Variants in OPRM1 observed in about 807,000 individuals in gnomAD.
The protein encoded by OPRM1 is mu-type opioid receptor.
A neutral mutation model predicts 31.8 loss-of-function variants in OPRM1; 27 were observed. The ratio of observed to expected loss-of-function variants is 0.85; its 90% CI spans 0.63 to 1.17. The LOEUF is 1.17. Ranked by LOEUF, OPRM1 falls within the 50% of genes most tolerant of loss-of-function variation. The probability of loss-of-function intolerance (pLI) is 0.00; values close to 1 mark genes in which losing one functional copy is unlikely to be tolerated. For synonymous variants in OPRM1, 196 were observed against 189.9 expected (o/e 1.03, Z -0.26); for missense variants, 536 against 511.1 (o/e 1.05, Z -0.47).
chr6:154,214,251 C>T lies in OPRM1; in HGVS notation c.1165-32442C>T, dbSNP rs145769684. On this transcript the variant is annotated intron_variant, in intron 3 of 3. Transcript: ENST00000337049. ...TTTGTAGTGGATTCCTGATGGATTACAGCCGATCCAAGTTTATTTAACCAC... is the reference window on the plus strand; with the variant it reads ...TTTGTAGTGGATTCCTGATGGATTATAGCCGATCCAAGTTTATTTAACCAC... 1.1e-5 allele frequency: 18 copies of T among 1,611,418 alleles called. No homozygotes were observed. In the African/African-American group the frequency reaches 2.4e-4, roughly 21 times the overall value.
rs112100506 is a variant in OPRM1, at chr6:154,229,946, G to C, written c.1165-16747G>C. ...ATGAACCCTGAAAACATTCTGCTAA[G>C]TGAAAGTGAAACACAAGCGATCAGT... On this transcript the variant is annotated intron_variant, in intron 3 of 3. Coordinates refer to the OPRM1 transcript ENST00000337049. 2.5e-3 allele frequency among the ~76,000 whole-genome samples: 382 copies of C among 152,304 alleles called. 2 individuals carry two copies. The highest frequency in any genetic ancestry group is 8.9e-3 in the African/African-American group (371 of 41,572).
intron 3 of OPRM1, among the ~76,000 whole-genome samples, chr6:154,162,410 A>G (rs951998286): frequency 6.6e-6 from 1 of 152,140 alleles, no homozygotes. Context: ...ATTCACCAAA[A>G]CTGCTCTTGT....
intron 3 of OPRM1, among the ~76,000 whole-genome samples, chr6:154,116,550 A>G (rs1444925995): frequency 3.3e-5 from 5 of 150,344 alleles, no homozygotes; most frequent in Non-Finnish European, 5.9e-5. Context: ...ATGCCACTGC[A>G]CTCTAGCCTG....
At chr6:154,142,719 G>T (rs1156500196) in intron 3 of OPRM1, among the ~76,000 whole-genome samples, 1 of 152,094 alleles carries the variant, frequency 6.6e-6, no homozygotes, top group Non-Finnish European at 1.5e-5. Flanking sequence ...TCTGAAACTT[G>T]CCTCAGTCTC....
intron 3 of OPRM1, among the ~76,000 whole-genome samples, chr6:154,188,110 A>T (rs960482124): frequency 3.3e-4 from 50 of 152,204 alleles, no homozygotes; most frequent in Non-Finnish European, 6.2e-4. Flanking sequence ...TCATATACAT[A>T]AAAAAATTTA....
At chr6:154,150,744 T>A (rs758413316) in intron 3 of OPRM1, among the ~76,000 whole-genome samples, 9 of 152,266 alleles carry the variant, frequency 5.9e-5, no homozygotes, top group African/African-American at 1.9e-4. Context: ...GACTTTGACA[T>A]TGAAGACTGG....
At chr6:154,107,858 A>C in intron 3 of OPRM1, 1 of 699,748 alleles carries the variant, frequency 1.4e-6, no homozygotes, top group Non-Finnish European at 2.6e-6. Context: ...AACACAGAAA[A>C]ACGACCTCAT....
rs1031135403 is a variant in OPRM1, at chr6:154,120,688, A to G, written c.*1967A>G. 6.6e-6 allele frequency among the ~76,000 whole-genome samples: 1 copy of G among 152,186 alleles called. No homozygotes were observed. The highest frequency in any genetic ancestry group is 1.5e-5 in the Non-Finnish European group (1 of 68,024). On this transcript the variant is annotated 3_prime_UTR_variant, in exon 4 of 4. Coordinates refer to ENST00000330432, the MANE Select transcript of OPRM1 (RefSeq NM_000914.5). ...CTGAGGAGGAAAATCCATGCTTTTC[A>G]TGGGCTAGGATGGTTTCTCCCAAGA...
intron 3 of OPRM1, among the ~76,000 whole-genome samples, chr6:154,171,792 G>A (rs1799892799): frequency 6.6e-6 from 1 of 152,176 alleles, no homozygotes; most frequent in Non-Finnish European, 1.5e-5. Context: ...CTGAAGGGGG[G>A]CATTAGGATT....
intron 3 of OPRM1, among the ~76,000 whole-genome samples, chr6:154,190,644 A>C (rs1801790786): frequency 6.6e-6 from 1 of 152,158 alleles, no homozygotes; most frequent in Non-Finnish European, 1.5e-5. Flanking sequence ...CAATCCAGCA[A>C]TTGTACTCAT....
chr6:154,010,666 A>G (rs1226123125), exon 1 of OPRM1: 19 of 1,474,098 alleles, frequency 1.3e-5, no homozygotes, highest in Non-Finnish European at 1.6e-5. Context: ...GGAAGATAGG[A>G]AAGCAAGCAT....
chr6:154,024,815 A>G (rs1778595543), intron 1 of OPRM1, among the ~76,000 whole-genome samples: 1 of 151,862 alleles, frequency 6.6e-6, no homozygotes, highest in Admixed American at 6.6e-5. Context: ...TCATTCAGGA[A>G]TATATTGTTT....
chr6:154,050,332 T>G (rs12374622), intron 1 of OPRM1, among the ~76,000 whole-genome samples: 4,758 of 152,216 alleles, frequency 0.031, 117 homozygotes, highest in East Asian at 0.093. Flanking sequence ...CAGCTAAGAT[T>G]TGGAAGCAAC....
chr6:154,112,046 G>T (rs541502360), intron 3 of OPRM1, among the ~76,000 whole-genome samples: 1 of 152,234 alleles, frequency 6.6e-6, no homozygotes, highest in South Asian at 2.1e-4. Context: ...ATTACAGGCT[G>T]GAGCCACCGC....
chr6:154,166,494 C>T (rs536704939), intron 3 of OPRM1, among the ~76,000 whole-genome samples: 2 of 152,204 alleles, frequency 1.3e-5, no homozygotes, highest in Non-Finnish European at 2.9e-5. Flanking sequence ...ATGTCCTTCC[C>T]TTGGTATTCA....
chr6:154,024,340 T>G (rs189502246), intron 1 of OPRM1, among the ~76,000 whole-genome samples: 98 of 152,250 alleles, frequency 6.4e-4, no homozygotes, highest in African/African-American at 2.1e-3. Context: ...CTGCTCATAG[T>G]AGCCACTAAT....
rs551943024 is a variant in OPRM1, at chr6:154,211,866, C to G, written c.1165-34827C>G. Among the ~76,000 whole-genome samples the G allele has an allele frequency of 4.6e-5, 7 of 152,106 alleles. No individual in the cohort carries two copies. The South Asian group carries it at 1.5e-3, about 32-fold the overall frequency. ...CACATAGAATAATAAATTAAGAAAT[C>G]CTATCATTCATAAAGAAAAAGGAGG... is the stretch of plus-strand genomic sequence containing the variant. On this transcript the variant is annotated intron_variant, in intron 3 of 3. Transcript: ENST00000337049.
intron 3 of OPRM1, among the ~76,000 whole-genome samples, chr6:154,237,403 T>C (rs1024667388): frequency 6.6e-6 from 1 of 152,238 alleles, no homozygotes; most frequent in Non-Finnish European, 1.5e-5. Context: ...TTTTGGACTT[T>C]CTTACACAGG....
At chr6:154,207,541 G>C (rs1365233266) in intron 3 of OPRM1, among the ~76,000 whole-genome samples, 1 of 147,182 alleles carries the variant, frequency 6.8e-6, no homozygotes, top group Non-Finnish European at 1.5e-5. Context: ...ACCTCCTTCT[G>C]TGTTTAAACT....
Sources: allele counts gnomAD v4.1 joint callset (sites outside exome capture counted in the v4.1 genomes callset), GRCh38; gene constraint gnomAD v4.1.1; transcripts MANE v1.5; gene names NCBI Gene and HGNC (gene_info 2026-07-23, HGNC 2026-07-21).